The following CSNK2A2 variants were observed in gnomAD, a reference collection of about 807,000 sequenced individuals.
The protein encoded by CSNK2A2 is casein kinase 2 alpha 2, also known as casein kinase II subunit alpha'.
In CSNK2A2, 8 loss-of-function variants were observed where a neutral mutation model predicts 54.0. The ratio of observed to expected loss-of-function variants is 0.15; its 90% CI spans 0.09 to 0.27. The LOEUF (loss-of-function observed/expected upper bound fraction) is 0.27, where lower values mean the gene tolerates loss of function less well. Among genes scored for constraint, CSNK2A2 ranks in the 10% least tolerant of loss-of-function variants. The pLI is 1.00. For synonymous variants in CSNK2A2, 141 were observed against 153.9 expected, an observed-to-expected ratio of 0.92 and a Z score of 0.62; for missense variants, 242 against 439.4, an observed-to-expected ratio of 0.55 and a Z score of 4.02.
At chr16:58,179,129 A>T (rs990610261) in intron 4 of CSNK2A2, among the ~76,000 whole-genome samples, 1 of 152,210 alleles carries the variant, frequency 6.6e-6, no homozygotes, top group South Asian at 2.1e-4. Flanking sequence ...TTTCAGTGCT[A>T]GCGTATTTAC....
chr16:58,169,994 C>T (rs779456728), intron 5 of CSNK2A2, among the ~76,000 whole-genome samples: 55 of 151,482 alleles, frequency 3.6e-4, no homozygotes, highest in Non-Finnish European at 6.5e-4. Context: ...TGCAGTGAGC[C>T]GAGATGGCAC....
chr16:58,178,371 C>T (rs1249829250), intron 4 of CSNK2A2, among the ~76,000 whole-genome samples: 1 of 151,978 alleles, frequency 6.6e-6, no homozygotes, highest in African/African-American at 2.4e-5. Context: ...GCAACCTCTG[C>T]CCCCTCGGGT....
intron 4 of CSNK2A2, among the ~76,000 whole-genome samples, chr16:58,178,059 A>G (rs1012662133): frequency 6.6e-6 from 1 of 152,186 alleles, no homozygotes; most frequent in Admixed American, 6.5e-5. Context: ...TGTTTCTCCA[A>G]TTAAGGAAAC....
At chr16:58,178,385 C>T (rs773190858) in intron 4 of CSNK2A2, among the ~76,000 whole-genome samples, 10 of 151,918 alleles carry the variant, frequency 6.6e-5, no homozygotes, top group Non-Finnish European at 1.3e-4. Context: ...CTCGGGTTCA[C>T]GTGATTCTCC....
intron 8 of CSNK2A2, 135 bp downstream of exon 8, chr16:58,167,072 T>G (rs1334811144): frequency 1.7e-6 from 1 of 574,026 alleles, no homozygotes; most frequent in Non-Finnish European, 2.9e-6. Context: ...TTCTGTGCGA[T>G]CTTTATCTTG....
At position 58,166,592 on chromosome 16, in the gene CSNK2A2, G is replaced by A. The variant is rs190767641; in HGVS notation, c.819C>T (p.Ile273=). 770 of 1,603,192 alleles carry A rather than the reference G, an allele frequency of 4.8e-4. 1 individual carries two copies. The Admixed American group carries it at 8.5e-3, about 18-fold the overall frequency. The change falls in exon 9 of 12, where the codon ATC becomes ATT. Residue 273 remains isoleucine, a synonymous_variant. Coordinates refer to ENST00000262506, the MANE Select transcript of CSNK2A2 (RefSeq NM_001896.4). ...HIDLDPHFND[I]LGQHSRKRWE... ...CTCTCTCTCTTACTTACTGTCCCAG[G>A]ATATCGTTGAAGTGTGGATCTAGGT...
Position 58,197,154 on chromosome 16 carries a change from TC to T in CSNK2A2, c.105-311del, listed in dbSNP as rs1962477911. The T allele has an allele frequency of 1.1e-5, 4 of 355,514 alleles. No homozygotes were observed. The South Asian group carries it at 1.5e-4, about 13-fold the overall frequency. The allele number at this position is 355,514 out of a possible 1,614,324, so 22.0% of individuals were successfully genotyped here. A position where few individuals can be genotyped will look rare whatever the true frequency, so the allele number is the denominator to read the frequency against. On this transcript the variant is annotated intron_variant, in intron 1 of 11. Coordinates refer to ENST00000262506, the MANE Select transcript of CSNK2A2 (RefSeq NM_001896.4). This position sits in a 1 kb window ranked among gnomAD's most constrained non-coding sequence, Gnocchi z 4.0. ...GAGGGTGCCCCCTGTGCCCCGCGGC[TC>T]CCCAGCACCTGCTTCTCGTTTCACA...
intron 4 of CSNK2A2, among the ~76,000 whole-genome samples, chr16:58,182,739 C>T (rs1429392344): frequency 6.6e-6 from 1 of 152,074 alleles, no homozygotes; most frequent in African/African-American, 2.4e-5. Flanking sequence ...TCATTAAAGC[C>T]TATCTGGTTT....
At chr16:58,189,711 C>T (rs987301383) in intron 2 of CSNK2A2, among the ~76,000 whole-genome samples, 4 of 152,078 alleles carry the variant, frequency 2.6e-5, no homozygotes, top group African/African-American at 7.2e-5. Flanking sequence ...CAAAGGAGTC[C>T]CAAGTCACAA....
Position 58,164,058 on chromosome 16 carries a change from C to T in CSNK2A2, c.*13G>A, listed in dbSNP as rs761179639. The T allele has an allele frequency of 1.2e-5, 20 of 1,611,240 alleles. No individual in the cohort carries two copies. The highest frequency in any genetic ancestry group is 3.3e-4 in the Middle Eastern group (2 of 6,052). ...CAAGCATCAATGCCGCATTACCCGTCGCTTTCCAGTCTTCATCGTGCTGCC... is the reference window on the plus strand; with the variant it reads ...CAAGCATCAATGCCGCATTACCCGTTGCTTTCCAGTCTTCATCGTGCTGCC... On this transcript the variant is annotated 3_prime_UTR_variant, in exon 11 of 12. Transcript: ENST00000262506.
intron 4 of CSNK2A2, among the ~76,000 whole-genome samples, chr16:58,183,826 G>A (rs1962124811): frequency 6.6e-6 from 1 of 152,080 alleles, no homozygotes; most frequent in Non-Finnish European, 1.5e-5. Flanking sequence ...TCATTTCTTT[G>A]TACGTCACGT....
At chr16:58,196,391 T>C (rs777216334) in intron 2 of CSNK2A2, among the ~76,000 whole-genome samples, 4 of 150,534 alleles carry the variant, frequency 2.7e-5, no homozygotes, top group South Asian at 2.1e-4. Context: ...AGGAGTCCTT[T>C]TGGAGGACTG....
At chr16:58,172,596 C>T (rs1961773072) in intron 5 of CSNK2A2, among the ~76,000 whole-genome samples, 1 of 152,208 alleles carries the variant, frequency 6.6e-6, no homozygotes, top group South Asian at 2.1e-4. Flanking sequence ...ACCACAATAC[C>T]TGGCATGTGA....
intron 4 of CSNK2A2, among the ~76,000 whole-genome samples, chr16:58,177,024 C>T (rs1370633336): frequency 6.6e-6 from 1 of 152,194 alleles, no homozygotes; most frequent in African/African-American, 2.4e-5. Flanking sequence ...ACTCTCCCCA[C>T]CACCCAAGTA....
chr16:58,192,622 A>G (rs868021485), intron 2 of CSNK2A2: 2 of 152,220 alleles, frequency 1.3e-5, no homozygotes, highest in Non-Finnish European at 1.5e-5. Context: ...AACTTACCAA[A>G]GTCAAACACT....
chr16:58,161,171 T>C (rs900022167), intron 11 of CSNK2A2: 3 of 152,178 alleles, frequency 2.0e-5, no homozygotes, highest in Admixed American at 6.5e-5. Context: ...TGAGTTCTAC[T>C]CTCACCATGG....
chr16:58,163,636 A>G (rs1054932765), intron 11 of CSNK2A2: 2 of 153,480 alleles, frequency 1.3e-5, no homozygotes, highest in African/African-American at 4.8e-5. Flanking sequence ...GTCAGTATAG[A>G]CTGCTGACAT....
Position 58,180,372 on chromosome 16 carries a change from T to G in CSNK2A2, c.369+3888A>C, listed in dbSNP as rs1358642936. Among the ~76,000 whole-genome samples, 5 of 66,796 alleles carry G rather than the reference T, an allele frequency of 7.5e-5. No homozygotes were observed. In the East Asian group the frequency reaches 1.0e-3, roughly 13 times the overall value. The allele number at this position is 66,796 out of a possible 152,430, so 43.8% of individuals were successfully genotyped here. ...AAGGATAACTACAGATACTCCAGAG[T>G]TTTTTTTTTTTTTTGTGACCAGTCA... On this transcript the variant is annotated intron_variant, in intron 4 of 11. Coordinates refer to ENST00000262506, the MANE Select transcript of CSNK2A2 (RefSeq NM_001896.4).
chr16:58,190,542 T>C (rs1245163155), intron 2 of CSNK2A2, among the ~76,000 whole-genome samples: 1 of 152,200 alleles, frequency 6.6e-6, no homozygotes, highest in Non-Finnish European at 1.5e-5. Flanking sequence ...ATCTGAGCAA[T>C]GTTATTTCAT....
Sources: gnomAD v4.1 joint callset for allele counts (sites outside exome capture counted in the v4.1 genomes callset) on GRCh38, gnomAD v4.1.1 for gene constraint, Gnocchi (gnomAD v3.1) non-coding constraint, MANE v1.5 for transcripts, NCBI Gene and HGNC (gene_info 2026-07-23, HGNC 2026-07-21) for gene names.